The following CASP8 variants were observed in gnomAD, a reference collection of about 807,000 sequenced individuals.
CASP8 encodes caspase-8.
In CASP8, 24 loss-of-function variants were observed where a neutral mutation model predicts 46.3. The observed-to-expected ratio is 0.52, with a 90% confidence interval of 0.38 to 0.73. The LOEUF (loss-of-function observed/expected upper bound fraction) is 0.73. Ranked by LOEUF, CASP8 falls within the 30% of genes least tolerant of loss-of-function variation. The pLI, the probability that CASP8 is intolerant of heterozygous loss-of-function variation, is 0.00. For missense variants in CASP8, 460 were observed against 559.0 expected, an observed-to-expected ratio of 0.82 and a Z score of 1.79; for synonymous variants, 188 against 200.4, an observed-to-expected ratio of 0.94 and a Z score of 0.52.
At chr2:201,243,178 A>G (rs540417216) in intron 2 of CASP8, among the ~76,000 whole-genome samples, 2 of 152,340 alleles carry the variant, frequency 1.3e-5, no homozygotes, top group African/African-American at 4.8e-5. Flanking sequence ...ATAGTCAACA[A>G]TACTGTATTG....
At position 201,272,655 on chromosome 2, in the gene CASP8, CAT is replaced by C; in HGVS notation, c.431_432del (p.Ile144ArgfsTer35). On this transcript the variant is annotated frameshift_variant, in exon 4 of 9. Coordinates refer to ENST00000673742, the MANE Select transcript of CASP8 (RefSeq NM_001372051.1). LOFTEE classifies it high-confidence loss of function. This position sits in a 1 kb window ranked among gnomAD's most constrained non-coding sequence, Gnocchi z 4.4. ...CCTCTTAGAACCTGCTGGATATTTT[CAT>C]AGAGATGGAGAAGAGGGTCATCCTG... ...DDDMNLLDIFIEMEKRVILGE... is the reference protein window; with the variant it reads ...DDDMNLLDIFXEMEKRVILGE... 6.2e-7 allele frequency: 1 copy of C among 1,613,994 alleles called. No individual in the cohort carries two copies. The highest frequency in any genetic ancestry group is 8.5e-7 in the Non-Finnish European group (1 of 1,180,008).
chr2:201,279,772 G>A (rs890096319), intron 7 of CASP8, among the ~76,000 whole-genome samples: 5 of 152,154 alleles, frequency 3.3e-5, no homozygotes, highest in African/African-American at 1.2e-4. Flanking sequence ...GACCAACATG[G>A]TGAAACCCCA....
chr2:201,266,410 G>A lies in CASP8; in HGVS notation c.-26-51G>A. On this transcript the variant is annotated intron_variant, in intron 1 of 8. Transcript: ENST00000673742. The surrounding 1 kb of genome is among the most constrained non-coding windows in gnomAD (Gnocchi z 5.7). ...GCAGTAGCCTTTGATGAACAAGCCA[G>A]CAAATGGTACTTTTCTTCCTTATCT... 7.0e-7 allele frequency: 1 copy of A among 1,420,610 alleles called. No individual in the cohort carries two copies. The highest frequency in any genetic ancestry group is 9.9e-7 in the Non-Finnish European group (1 of 1,006,178). 88.0% of individuals were successfully genotyped at this position (1,420,610 alleles called of 1,614,324 possible).
At chr2:201,237,067 C>T (rs1030867189) in intron 2 of CASP8, among the ~76,000 whole-genome samples, 1 of 151,352 alleles carries the variant, frequency 6.6e-6, no homozygotes, top group Non-Finnish European at 1.5e-5. Flanking sequence ...TTCCTTTTCC[C>T]CAGTATGACC....
intron 1 of CASP8, among the ~76,000 whole-genome samples, chr2:201,264,940 T>G (rs1225036741): frequency 1.3e-5 from 2 of 152,138 alleles, no homozygotes; most frequent in East Asian, 3.8e-4. Flanking sequence ...CCGGTAGGGC[T>G]GGGGGCCAGC....
chr2:201,257,558 A>G (rs1947083406), upstream of CASP8, among the ~76,000 whole-genome samples: 1 of 152,186 alleles, frequency 6.6e-6, no homozygotes, highest in Non-Finnish European at 1.5e-5. Flanking sequence ...AGTAGCACCA[A>G]CACTCCAGGA....
intron 2 of CASP8, among the ~76,000 whole-genome samples, chr2:201,247,484 T>C (rs952781119): frequency 2.6e-4 from 8 of 31,154 alleles, no homozygotes; most frequent in Non-Finnish European, 5.6e-4. Context: ...GCACAACCTA[T>C]TTTTTTTTTT....
Position 201,272,928 on chromosome 2 carries a change from A to T in CASP8, c.581A>T (p.Asp194Val). The T allele has an allele frequency of 6.2e-7, 1 of 1,614,084 alleles. No homozygotes were observed. ...ERSSSLEGSP[D>V]EFSNGEELCG... The stretch of plus-strand genomic sequence containing the variant: ...AGCAGCAGCCTTGAAGGAAGTCCTG[A>T]TGAATTTTCAAATGGTAATGCTTGG... The change falls in exon 5 of 9, where the codon GAT becomes GTT. Residue 194 changes from aspartate to valine, a missense_variant. Coordinates refer to ENST00000673742, the MANE Select transcript of CASP8 (RefSeq NM_001372051.1). This position sits in a 1 kb window ranked among gnomAD's most constrained non-coding sequence, Gnocchi z 4.4.
upstream of CASP8, chr2:201,258,146 T>TTTTCACAGG: frequency 6.7e-7 from 1 of 1,500,036 alleles, no homozygotes; most frequent in East Asian, 2.3e-5. Flanking sequence ...GAGGGAAGTG[T>TTTTCACAGG]TTTCACAGGT....
chr2:201,279,753 G>T (rs1051894589), intron 7 of CASP8, among the ~76,000 whole-genome samples: 11 of 152,188 alleles, frequency 7.2e-5, no homozygotes, highest in Admixed American at 6.5e-4. Context: ...AGGAGTTCAA[G>T]CCCAGCCTGA....
At chr2:201,244,951 CTG>C (rs1198607263) in intron 2 of CASP8, among the ~76,000 whole-genome samples, 7 of 152,236 alleles carry the variant, frequency 4.6e-5, no homozygotes, top group Non-Finnish European at 1.5e-5. Flanking sequence ...GGACCCCAGA[CTG>C]TTCCCCTGAG....
chr2:201,271,633 TA>T lies in CASP8; in HGVS notation c.411+13del, dbSNP rs751056127. The T allele has an allele frequency of 1.4e-6, 2 of 1,454,392 alleles. No homozygotes were observed. Among genetic ancestry groups the T allele is most frequent in the Non-Finnish European group, 1.9e-6 (2 of 1,034,058 alleles). 90.1% of individuals were successfully genotyped at this position (1,454,392 alleles called of 1,614,324 possible). ...TGGATGATGACATGGTAAGACCTGG[TA>T]TCTTACTGAGATTTAGTCCTGAGAC... On this transcript the variant is annotated intron_variant, in intron 3 of 8. Transcript: ENST00000673742.
chr2:201,245,802 C>G (rs969806453), intron 2 of CASP8, among the ~76,000 whole-genome samples: 2 of 152,052 alleles, frequency 1.3e-5, no homozygotes, highest in African/African-American at 4.8e-5. Flanking sequence ...CTTTGCTGCC[C>G]TTTCCTGGCC....
chr2:201,272,825 G>GA lies in CASP8; in HGVS notation c.550+52dup. 6.2e-7 allele frequency: 1 copy of GA among 1,614,010 alleles called. No homozygotes were observed. The highest frequency in any genetic ancestry group is 8.5e-7 in the Non-Finnish European group (1 of 1,179,876). On this transcript the variant is annotated intron_variant, in intron 4 of 8. Transcript: ENST00000673742. This position sits in a 1 kb window ranked among gnomAD's most constrained non-coding sequence, Gnocchi z 4.4. ...AATCGGCAAAACCTACTCTAAAATT[G>GA]AAACTGACAAATCGCTCCATATCAC...
rs1228500374 is a variant in CASP8 at position 201,252,266 on chromosome 2, GGTTTTT to G, written c.-26-14176_-26-14171del. On this transcript the variant is annotated intron_variant, in intron 2 of 6. Coordinates refer to the CASP8 transcript ENST00000264274. ...TTTGTATATTTTTGGATAACAGCAT[GGTTTTT>G]GTTTTTGTTTTTGTTTTTTTTTGAG... Among the ~76,000 whole-genome samples, 6 of 151,922 alleles carry G rather than the reference GGTTTTT, an allele frequency of 3.9e-5. 1 individual carries two copies. The highest frequency in any genetic ancestry group is 6.6e-5 in the Admixed American group (1 of 15,220).
intron 6 of CASP8, 67 bp from the exon 7 acceptor site, chr2:201,276,760 T>G: frequency 9.9e-6 from 16 of 1,608,674 alleles, no homozygotes; most frequent in Non-Finnish European, 1.4e-5. Context: ...TACTAGGGAG[T>G]TGTTTGTTTA....
chr2:201,253,748 A>G (rs772055090), intron 2 of CASP8, among the ~76,000 whole-genome samples: 5 of 152,232 alleles, frequency 3.3e-5, no homozygotes, highest in Non-Finnish European at 5.9e-5. Flanking sequence ...TAGTGCCTCA[A>G]GAATATTGGG....
intron 7 of CASP8, among the ~76,000 whole-genome samples, chr2:201,282,999 C>G (rs1257339228): frequency 1.2e-4 from 5 of 43,148 alleles, no homozygotes; most frequent in African/African-American, 2.7e-4. Context: ...GGGGGGCTGA[C>G]CCCCCCCACC....
intron 5 of CASP8, 116 bp downstream of exon 5, chr2:201,273,058 C>CTTTTTTT (rs397826156): frequency 1.8e-5 from 11 of 596,438 alleles, no homozygotes; most frequent in Non-Finnish European, 2.3e-5. Flanking sequence ...TCTACTTTTT[C>CTTTTTTT]TTTTTTTTTT....
Sources: allele counts gnomAD v4.1 joint callset (sites outside exome capture counted in the v4.1 genomes callset), GRCh38; gene constraint gnomAD v4.1.1; non-coding constraint Gnocchi (gnomAD v3.1); transcripts MANE v1.5; gene names NCBI Gene and HGNC (gene_info 2026-07-23, HGNC 2026-07-21).